Variants in ZNF518B observed in about 807,000 individuals in gnomAD.
ZNF518B encodes zinc finger protein 518B.
ZNF518B carries 23 observed loss-of-function variants against 56.3 expected under a neutral mutation model. The observed-to-expected ratio is 0.41, with a 90% confidence interval of 0.29 to 0.58. The LOEUF is 0.58. Ranked by LOEUF, ZNF518B falls within the 20% of genes least tolerant of loss-of-function variation. The pLI is 0.32. For missense variants in ZNF518B, 1,460 were observed against 1,272.1 expected (o/e 1.15, Z -2.25); for synonymous variants, 529 against 465.9 (o/e 1.14, Z -1.74).
At chr4:10,451,873 G>A (rs1331160365) in intron 2 of ZNF518B, 4 of 152,188 alleles carry the variant, frequency 2.6e-5, no homozygotes, top group Admixed American at 2.6e-4. Context: ...TCAAAGTTCA[G>A]CCAAATTGTG....
At position 10,446,133 on chromosome 4, in the gene ZNF518B, C is replaced by G; in HGVS notation, c.196G>C (p.Val66Leu). ...AAATCTTGAAGAGAGATCTTGTGAA[C>G]ACTTTTGCACTTTGCACATGTAGCA... ...TIATCAKCKS[V>L]HKISLQDLQK... Residue 66 changes from valine to leucine, a missense_variant, in exon 3 of 3, where the codon GTT (valine) becomes CTT (leucine). Physicochemically the swap from Val to Leu is conservative, Grantham distance 32. Transcript: ENST00000326756. 3 of 1,614,214 alleles carry G rather than the reference C, an allele frequency of 1.9e-6. No individual in the cohort carries two copies. Among genetic ancestry groups the G allele is most frequent in the Non-Finnish European group, 1.7e-6 (2 of 1,180,040 alleles).
intron 2 of ZNF518B, chr4:10,453,273 GA>G (rs2108995844): frequency 6.6e-6 from 1 of 152,192 alleles, no homozygotes; most frequent in East Asian, 1.9e-4. Context: ...TTCACAGGTA[GA>G]AGAGTCCAGT....
rs1464765779 is a variant in ZNF518B at position 10,444,516 on chromosome 4, C to T, written c.1813G>A (p.Glu605Lys). The part of the protein sequence containing the change: ...SEYLHINITG[E>K]DRSQQPGDKP... ...TCCCCAGGCTGTTGAGATCTATCTTCTCCAGTTATGTTTATATGTAAATAC... is the reference window on the plus strand; with the variant it reads ...TCCCCAGGCTGTTGAGATCTATCTTTTCCAGTTATGTTTATATGTAAATAC... Residue 605 changes from glutamate to lysine, a missense_variant, in exon 3 of 3, where the codon GAA becomes AAA. By Grantham distance (56) the Glu-to-Lys change is moderately conservative. Coordinates refer to ENST00000326756, the MANE Select transcript of ZNF518B (RefSeq NM_053042.3). 1 of 1,614,138 alleles carries T rather than the reference C, an allele frequency of 6.2e-7. No homozygotes were observed. The highest frequency in any genetic ancestry group is 8.5e-7 in the Non-Finnish European group (1 of 1,180,034).
chr4:10,453,190 G>A (rs757713081), intron 2 of ZNF518B: 12 of 152,230 alleles, frequency 7.9e-5, no homozygotes, highest in Non-Finnish European at 1.3e-4. Context: ...TATGCAAGTG[G>A]GAGGTAACTT....
In ZNF518B at chr4:10,440,451, G is replaced by GA. The variant is rs1486750007; in HGVS notation, c.*2652dup. The GA allele has an allele frequency of 3.3e-5, 5 of 152,634 alleles. No individual in the cohort carries two copies. The highest frequency in any genetic ancestry group is 2.6e-4 in the Admixed American group (4 of 15,288). 9.5% of individuals were successfully genotyped at this position (152,634 alleles called of 1,614,324 possible). On this transcript the variant is annotated 3_prime_UTR_variant, in exon 3 of 3. Coordinates refer to ENST00000326756, the MANE Select transcript of ZNF518B (RefSeq NM_053042.3). ...GTGATTGGAGGTCCTTCAAAATTAA[G>GA]AACCCACACAAATACTCAACACAGG...
In ZNF518B at chr4:10,444,951, T is replaced by C. The variant is rs758010334; in HGVS notation, c.1378A>G (p.Ile460Val). ...NGKSFINSET[I>V]EDFQKKNNLY... Reference sequence around the variant, plus strand: ...TTATTTTTTTTCTGAAAATCCTCAATTGTTTCCGAATTAATGAAGGATTTT... The same window carrying C: ...TTATTTTTTTTCTGAAAATCCTCAACTGTTTCCGAATTAATGAAGGATTTT... The change falls in exon 3 of 3, where the codon ATT becomes GTT. Residue 460 changes from isoleucine to valine, a missense_variant. By Grantham distance (29) the Ile-to-Val change is conservative. Transcript: ENST00000326756. 2.5e-6 allele frequency: 4 copies of C among 1,611,884 alleles called. No homozygotes were observed. Among genetic ancestry groups the C allele is most frequent in the South Asian group, 2.2e-5 (2 of 90,690 alleles).
intron 2 of ZNF518B, among the ~76,000 whole-genome samples, chr4:10,449,242 GGCTTCATCTCAAA>G (rs1715200325): frequency 6.6e-6 from 1 of 152,172 alleles, no homozygotes; most frequent in South Asian, 2.1e-4. Flanking sequence ...CAATTTCCCA[GGCTTCATCTCAAA>G]GCGAGTGAAT....
chr4:10,446,667 T>A (rs981443644), intron 2 of ZNF518B, 128 bp from the exon 3 acceptor site: 1 of 208,740 alleles, frequency 4.8e-6, no homozygotes, highest in Non-Finnish European at 9.8e-6. Context: ...TTTAGACGCA[T>A]GTTATAACAA....
rs970357120 is a variant in ZNF518B at position 10,442,693 on chromosome 4, T to C, written c.*411A>G. The stretch of plus-strand genomic sequence containing the variant: ...AATTAAAGCAAAAACAAAATGGATG[T>C]GCACACCAAAACAAAGGTTTTTCTG... On this transcript the variant is annotated 3_prime_UTR_variant, in exon 3 of 3. Transcript: ENST00000326756. 1.3e-4 allele frequency: 21 copies of C among 160,790 alleles called. No individual in the cohort carries two copies. Among genetic ancestry groups the C allele is most frequent in the Non-Finnish European group, 2.3e-4 (17 of 73,208 alleles). The allele number at this position is 160,790 out of a possible 1,614,324, so 10.0% of individuals were successfully genotyped here.
At position 10,454,865 on chromosome 4, in the gene ZNF518B, T is replaced by A. The variant is rs563544999; in HGVS notation, c.-272A>T. On this transcript the variant is annotated 5_prime_UTR_variant, in exon 2 of 3. Coordinates refer to ENST00000326756, the MANE Select transcript of ZNF518B (RefSeq NM_053042.3). ...CAAAACCGTGGCAAGTCCCATGGGC[T>A]CTTCCTTCTCTTTCAGGCCTTCTCT... 1 of 152,268 alleles carries A rather than the reference T, an allele frequency of 6.6e-6. No individual in the cohort carries two copies. Among genetic ancestry groups the A allele is most frequent in the Non-Finnish European group, 1.5e-5 (1 of 68,072 alleles). The allele number at this position is 152,268 out of a possible 1,614,324, so 9.4% of individuals were successfully genotyped here.
chr4:10,461,034 C>T (rs2109002181), upstream of ZNF518B, among the ~76,000 whole-genome samples: 1 of 152,340 alleles, frequency 6.6e-6, no homozygotes, highest in East Asian at 1.9e-4. Context: ...GATAAGACAA[C>T]CCCGGTTCTC....
chr4:10,444,532 A>G lies in ZNF518B; in HGVS notation c.1797T>C (p.His599=), dbSNP rs764613041. The G allele has an allele frequency of 1.9e-6, 3 of 1,614,134 alleles. No homozygotes were observed. The South Asian group carries it at 3.3e-5, about 18-fold the overall frequency. Residue 599 remains histidine, a synonymous_variant, in exon 3 of 3, where the codon CAT becomes CAC. Transcript: ENST00000326756. ...ATCTATCTTCTCCAGTTATGTTTATATGTAAATACTCACTCTTATGTTGAG... is the reference window on the plus strand; with the variant it reads ...ATCTATCTTCTCCAGTTATGTTTATGTGTAAATACTCACTCTTATGTTGAG... The part of the protein sequence containing the change: ...ISSQHKSEYL[H]INITGEDRSQ...
At chr4:10,452,551 T>C (rs1293743466) in intron 2 of ZNF518B, 1 of 152,118 alleles carries the variant, frequency 6.6e-6, no homozygotes, top group South Asian at 2.1e-4. Context: ...AGGATGATAT[T>C]GAGGAAGAAA....
chr4:10,450,089 C>A (rs1715240604), intron 2 of ZNF518B, among the ~76,000 whole-genome samples: 2 of 152,232 alleles, frequency 1.3e-5, no homozygotes, highest in Non-Finnish European at 2.9e-5. Context: ...AGAGAATACA[C>A]AAGCCAGCCA....
intron 2 of ZNF518B, among the ~76,000 whole-genome samples, chr4:10,447,388 G>A (rs115037002): frequency 0.01 from 1,569 of 152,260 alleles, 8 homozygotes; most frequent in Middle Eastern, 0.061. Flanking sequence ...ACCACAGTGA[G>A]CATTGTGGCT....
At chr4:10,457,135 C>G (rs1259099053) in intron 1 of ZNF518B, 182 bp downstream of exon 1, 1 of 148,842 alleles carries the variant, frequency 6.7e-6, no homozygotes, top group African/African-American at 2.4e-5. Flanking sequence ...TCGGCCTACC[C>G]GGTGCCACTT....
At position 10,440,086 on chromosome 4, in the gene ZNF518B, G is replaced by C. The variant is rs1714604505; in HGVS notation, c.*3018C>G. ...ATTTAAAAATTATTCCAAAGGCCGA[G>C]CAACATCACATCTTCAACTTCTGAG... On this transcript the variant is annotated 3_prime_UTR_variant, in exon 3 of 3. Coordinates refer to ENST00000326756, the MANE Select transcript of ZNF518B (RefSeq NM_053042.3). 1 of 152,526 alleles carries C rather than the reference G, an allele frequency of 6.6e-6. No homozygotes were observed. 9.4% of individuals were successfully genotyped at this position (152,526 alleles called of 1,614,324 possible).
chr4:10,454,009 G>A (rs1173013825), intron 2 of ZNF518B: 3 of 152,192 alleles, frequency 2.0e-5, no homozygotes, highest in South Asian at 2.1e-4. Context: ...GAAGAGGTGG[G>A]GATACTGGGA....
chr4:10,460,574 T>C (rs1302328925), upstream of ZNF518B, among the ~76,000 whole-genome samples: 1 of 152,030 alleles, frequency 6.6e-6, no homozygotes, highest in East Asian at 1.9e-4. Context: ...GTGGGCGCTT[T>C]TGAGGAAGAA....
Sources: allele counts gnomAD v4.1 joint callset (sites outside exome capture counted in the v4.1 genomes callset), GRCh38; gene constraint gnomAD v4.1.1; transcripts MANE v1.5; gene names NCBI Gene and HGNC (gene_info 2026-07-23, HGNC 2026-07-21).